The following CHCHD3 variants were observed in gnomAD, a reference collection of about 807,000 sequenced individuals.
CHCHD3 encodes MICOS complex subunit MIC19.
In CHCHD3, 20 loss-of-function variants were observed where a neutral mutation model predicts 38.2. The ratio of observed to expected loss-of-function variants is 0.52; its 90% confidence interval spans 0.37 to 0.76. The LOEUF (loss-of-function observed/expected upper bound fraction) is 0.76, where lower values mean the gene tolerates loss of function less well. Ranked by LOEUF, CHCHD3 falls within the 30% of genes least tolerant of loss-of-function variation. CHCHD3 has a pLI of 0.00. For synonymous variants in CHCHD3, 82 were observed against 100.0 expected (o/e 0.82, Z 1.07); for missense variants, 245 against 279.2 (o/e 0.88, Z 0.87).
At chr7:132,799,000 A>G (rs1806694499) in intron 6 of CHCHD3, among the ~76,000 whole-genome samples, 1 of 142,332 alleles carries the variant, frequency 7.0e-6, no homozygotes, top group Admixed American at 7.0e-5. Flanking sequence ...CTGTTTGGTG[A>G]TCTGTTCTGT....
chr7:132,861,193 C>T (rs950200271), intron 5 of CHCHD3, among the ~76,000 whole-genome samples: 1 of 152,160 alleles, frequency 6.6e-6, no homozygotes, highest in Non-Finnish European at 1.5e-5. Flanking sequence ...AGATTGTGAG[C>T]TTCAGCCACT....
At chr7:132,857,276 A>G (rs983608094) in intron 5 of CHCHD3, among the ~76,000 whole-genome samples, 1 of 152,130 alleles carries the variant, frequency 6.6e-6, no homozygotes, top group Non-Finnish European at 1.5e-5. Context: ...TTAACGTGTA[A>G]AGACCTTCCA....
intron 3 of CHCHD3, among the ~76,000 whole-genome samples, chr7:132,986,818 G>A (rs1812136223): frequency 6.6e-6 from 1 of 152,214 alleles, no homozygotes; most frequent in South Asian, 2.1e-4. Flanking sequence ...AAGATAGGAA[G>A]GGATAGGCTA....
In CHCHD3 at chr7:132,837,472, T is replaced by C. The variant is rs1374981437; in HGVS notation, c.524+927A>G. Among the ~76,000 whole-genome samples the C allele has an allele frequency of 5.3e-5, 8 of 152,340 alleles. No individual in the cohort carries two copies. The East Asian group carries it at 1.3e-3, about 26-fold the overall frequency. ...GTTCACTACAGAAGGCTGAAGGGCTTTGGCTCTTTAAATAAACCTCAAACT... is the reference window on the plus strand; with the variant it reads ...GTTCACTACAGAAGGCTGAAGGGCTCTGGCTCTTTAAATAAACCTCAAACT... On this transcript the variant is annotated intron_variant, in intron 6 of 7. Coordinates refer to ENST00000262570, the MANE Select transcript of CHCHD3 (RefSeq NM_017812.4).
intron 3 of CHCHD3, among the ~76,000 whole-genome samples, chr7:133,005,540 AT>A (rs1562935441): frequency 6.6e-6 from 1 of 152,234 alleles, no homozygotes; most frequent in African/African-American, 2.4e-5. Context: ...TATACGCTAT[AT>A]AATTTTTTAA....
At chr7:132,869,352 A>C (rs956304590) in intron 5 of CHCHD3, among the ~76,000 whole-genome samples, 1 of 152,176 alleles carries the variant, frequency 6.6e-6, no homozygotes, top group African/African-American at 2.4e-5. Flanking sequence ...AACATACCAA[A>C]GGATTGAATA....
At chr7:132,837,567 T>C (rs1055644750) in intron 6 of CHCHD3, among the ~76,000 whole-genome samples, 1 of 152,222 alleles carries the variant, frequency 6.6e-6, no homozygotes, top group Admixed American at 6.5e-5. Context: ...AACACACAAA[T>C]TGTACTGTAG....
At chr7:132,974,685 C>T (rs942914703) in intron 4 of CHCHD3, among the ~76,000 whole-genome samples, 1 of 152,088 alleles carries the variant, frequency 6.6e-6, no homozygotes, top group Admixed American at 6.5e-5. Context: ...ACCAGCCTGG[C>T]CAAGATAGTG....
At chr7:132,979,298 T>C (rs1811855279) in intron 3 of CHCHD3, among the ~76,000 whole-genome samples, 1 of 152,160 alleles carries the variant, frequency 6.6e-6, no homozygotes, top group Non-Finnish European at 1.5e-5. Context: ...ACTTCTACTG[T>C]AATCCTGAGA....
chr7:133,062,525 A>G (rs1399403067), intron 2 of CHCHD3, among the ~76,000 whole-genome samples: 2 of 152,170 alleles, frequency 1.3e-5, no homozygotes, highest in African/African-American at 4.8e-5. Context: ...CTTGGTTATG[A>G]CAAATAACAA....
At chr7:132,898,842 G>A (rs1352460221) in intron 4 of CHCHD3, among the ~76,000 whole-genome samples, 1 of 152,244 alleles carries the variant, frequency 6.6e-6, no homozygotes, top group African/African-American at 2.4e-5. Context: ...TGCAGCCACT[G>A]GCCCAGGTGC....
At chr7:132,862,879 A>C (rs984334393) in intron 5 of CHCHD3, among the ~76,000 whole-genome samples, 2 of 152,182 alleles carry the variant, frequency 1.3e-5, no homozygotes, top group African/African-American at 4.8e-5. Context: ...CAAACATTAA[A>C]AGTTTCATCA....
intron 4 of CHCHD3, among the ~76,000 whole-genome samples, chr7:132,900,020 C>T (rs1191955259): frequency 1.3e-5 from 2 of 152,164 alleles, no homozygotes; most frequent in South Asian, 2.1e-4. Flanking sequence ...CACCTGGATG[C>T]CAGGGGCAGA....
intron 6 of CHCHD3, among the ~76,000 whole-genome samples, chr7:132,813,732 G>A (rs534570234): frequency 6.6e-6 from 1 of 152,278 alleles, no homozygotes; most frequent in South Asian, 2.1e-4. Flanking sequence ...CGATACATCT[G>A]AGAGTTGGTA....
intron 4 of CHCHD3, among the ~76,000 whole-genome samples, chr7:132,950,097 CTAT>C (rs1811001462): frequency 6.6e-6 from 1 of 152,066 alleles, no homozygotes; most frequent in African/African-American, 2.4e-5. Context: ...GTAAATATAA[CTAT>C]TATTCAAATA....
At chr7:132,965,900 A>G (rs1811453473) in intron 4 of CHCHD3, among the ~76,000 whole-genome samples, 2 of 152,196 alleles carry the variant, frequency 1.3e-5, no homozygotes, top group South Asian at 4.1e-4. Context: ...AAGAAGGGGG[A>G]AAAGCTAGCT....
intron 2 of CHCHD3, among the ~76,000 whole-genome samples, chr7:133,042,779 A>G (rs899769647): frequency 3.3e-5 from 5 of 152,252 alleles, no homozygotes; most frequent in African/African-American, 1.2e-4. Context: ...TGTATGTTAC[A>G]TAAGTGATTT....
At chr7:132,971,193 CT>C (rs766927974) in intron 4 of CHCHD3, among the ~76,000 whole-genome samples, 1 of 152,128 alleles carries the variant, frequency 6.6e-6, no homozygotes, top group African/African-American at 2.4e-5. Flanking sequence ...TGGTCCTGTC[CT>C]TCTAGTCAGT....
chr7:133,077,603 T>G (rs1815040644), intron 1 of CHCHD3, among the ~76,000 whole-genome samples: 1 of 152,234 alleles, frequency 6.6e-6, no homozygotes, highest in Non-Finnish European at 1.5e-5. Flanking sequence ...CTTTGATGTT[T>G]CAGATAAACT....
Sources: gnomAD v4.1 joint callset for allele counts (sites outside exome capture counted in the v4.1 genomes callset) on GRCh38, gnomAD v4.1.1 for gene constraint, MANE v1.5 for transcripts, NCBI Gene and HGNC (gene_info 2026-07-23, HGNC 2026-07-21) for gene names.